The following GABRG3 variants were observed in gnomAD, a reference collection of about 807,000 sequenced individuals.
The protein encoded by GABRG3 is gamma-aminobutyric acid receptor subunit gamma-3.
Under a neutral mutation model 48.8 loss-of-function variants are expected in GABRG3, and 25 were observed. That is an observed-to-expected ratio of 0.51 (90% CI 0.37 to 0.72). The LOEUF (loss-of-function observed/expected upper bound fraction) is 0.72, where lower values mean the gene tolerates loss of function less well. GABRG3 is among the 30% of genes least tolerant of loss of function. The pLI, the probability that GABRG3 is intolerant of heterozygous loss-of-function variation, is 0.00. For missense variants in GABRG3, 394 were observed against 577.9 expected (o/e 0.68, Z 3.26); for synonymous variants, 227 against 217.6 (o/e 1.04, Z -0.38).
At chr15:27,217,999 T>G (rs1889319945) in intron 3 of GABRG3, among the ~76,000 whole-genome samples, 1 of 152,062 alleles carries the variant, frequency 6.6e-6, no homozygotes, top group South Asian at 2.1e-4. Flanking sequence ...TGACCTGAAT[T>G]TGGGAACCTC....
At chr15:27,337,072 A>T (rs976302537) in intron 5 of GABRG3, among the ~76,000 whole-genome samples, 4 of 152,234 alleles carry the variant, frequency 2.6e-5, no homozygotes, top group Non-Finnish European at 5.9e-5. Flanking sequence ...ACTAAATATT[A>T]TTAAAATGAC....
At chr15:27,498,453 C>G (rs1890538346) in intron 6 of GABRG3, among the ~76,000 whole-genome samples, 1 of 152,006 alleles carries the variant, frequency 6.6e-6, no homozygotes, top group Non-Finnish European at 1.5e-5. Context: ...TGTGTGACGT[C>G]CAACTCCAAT....
chr15:27,055,481 C>A (rs77961636), intron 3 of GABRG3, among the ~76,000 whole-genome samples: 4,175 of 152,240 alleles, frequency 0.027, 194 homozygotes, highest in African/African-American at 0.095. Flanking sequence ...AAATCCAAAG[C>A]TTTGTGAGCA....
chr15:27,453,658 A>G (rs1033374068), intron 5 of GABRG3, among the ~76,000 whole-genome samples: 1 of 152,096 alleles, frequency 6.6e-6, no homozygotes, highest in Non-Finnish European at 1.5e-5. Context: ...CTGGAGTGCA[A>G]TGGCGCAATC....
chr15:27,151,422 A>G (rs1652265081), intron 3 of GABRG3, among the ~76,000 whole-genome samples: 2 of 151,606 alleles, frequency 1.3e-5, no homozygotes, highest in South Asian at 2.1e-4. Context: ...ATATCAATAG[A>G]TGGTTACTTT....
intron 3 of GABRG3, among the ~76,000 whole-genome samples, chr15:27,138,476 C>T (rs1898047834): frequency 6.6e-6 from 1 of 152,194 alleles, no homozygotes. Context: ...GAATGCATCA[C>T]TAAATCTTCC....
intron 5 of GABRG3, among the ~76,000 whole-genome samples, chr15:27,358,100 G>A (rs890326725): frequency 3.3e-5 from 5 of 152,174 alleles, no homozygotes; most frequent in Non-Finnish European, 5.9e-5. Context: ...ACTCATGAAG[G>A]TGGATACGAG....
At chr15:27,341,910 AG>A (rs1894193889) in intron 5 of GABRG3, among the ~76,000 whole-genome samples, 1 of 152,230 alleles carries the variant, frequency 6.6e-6, no homozygotes, top group Admixed American at 6.5e-5. Context: ...GCCATATTAG[AG>A]CCAGAGAAAT....
chr15:27,446,976 C>T (rs1888963621), intron 5 of GABRG3, among the ~76,000 whole-genome samples: 1 of 152,194 alleles, frequency 6.6e-6, no homozygotes, highest in African/African-American at 2.4e-5. Flanking sequence ...TTAGCTTTCC[C>T]ACCCTCTCTG....
At chr15:27,052,962 T>G (rs1896480075) in intron 3 of GABRG3, among the ~76,000 whole-genome samples, 1 of 152,174 alleles carries the variant, frequency 6.6e-6, no homozygotes, top group African/African-American at 2.4e-5. Flanking sequence ...GCTAGCCACA[T>G]GCGGAAGAAT....
At chr15:27,492,360 A>G (rs1188002730) in intron 6 of GABRG3, among the ~76,000 whole-genome samples, 2 of 152,214 alleles carry the variant, frequency 1.3e-5, no homozygotes, top group Non-Finnish European at 2.9e-5. Context: ...TTTAAGTCTC[A>G]CTTCAAAAGA....
At chr15:27,523,247 A>G (rs764641956) in intron 7 of GABRG3, among the ~76,000 whole-genome samples, 2 of 151,866 alleles carry the variant, frequency 1.3e-5, no homozygotes, top group Non-Finnish European at 3.0e-5. Flanking sequence ...TAGATATTTC[A>G]TGTTATTAGA....
At chr15:27,278,771 T>A in intron 3 of GABRG3, among the ~76,000 whole-genome samples, 1 of 152,230 alleles carries the variant, frequency 6.6e-6, no homozygotes, top group East Asian at 1.9e-4. Flanking sequence ...TGTATGGGCA[T>A]AAGTTTTCAT....
At chr15:27,003,146 G>A (rs971721450) in intron 2 of GABRG3, among the ~76,000 whole-genome samples, 1 of 150,380 alleles carries the variant, frequency 6.6e-6, no homozygotes, top group African/African-American at 2.4e-5. Flanking sequence ...CAAGTATCAT[G>A]AAATAGTTTT....
Position 27,334,815 on chromosome 15 carries a change from C to T in GABRG3, c.574+5927C>T, listed in dbSNP as rs555478225. 4.6e-5 allele frequency among the ~76,000 whole-genome samples: 7 copies of T among 152,152 alleles called. No individual in the cohort carries two copies. In the South Asian group the frequency reaches 1.0e-3, roughly 23 times the overall value. On this transcript the variant is annotated intron_variant, in intron 5 of 9. Transcript: ENST00000615808. ...AAAAATACATAGGAAAAAATATTCA[C>T]GAACTAAGGCTAGCAAAGAGTATTT...
intron 3 of GABRG3, among the ~76,000 whole-genome samples, chr15:27,078,812 C>G (rs1224180748): frequency 6.6e-6 from 1 of 152,170 alleles, no homozygotes; most frequent in Non-Finnish European, 1.5e-5. Context: ...GATGCTGTCC[C>G]CCTGCAATGC....
chr15:27,527,665 T>C, intron 8 of GABRG3, 36 bp downstream of exon 8: 4 of 1,552,074 alleles, frequency 2.6e-6, no homozygotes, highest in Non-Finnish European at 3.5e-6. Context: ...CGGGAGGTAA[T>C]GGGGGCGCTG....
intron 6 of GABRG3, among the ~76,000 whole-genome samples, chr15:27,504,580 C>A (rs74005009): frequency 0.12 from 18,461 of 152,086 alleles, 2,152 homozygotes; most frequent in African/African-American, 0.31. Context: ...TACATAGTTA[C>A]TATTTTTGTT....
intron 3 of GABRG3, among the ~76,000 whole-genome samples, chr15:27,221,372 A>G (rs1889448197): frequency 6.6e-6 from 1 of 152,156 alleles, no homozygotes; most frequent in Admixed American, 6.5e-5. Flanking sequence ...GTACTTTCTA[A>G]CTTTAAATCA....
Sources: gnomAD v4.1 joint callset for allele counts (sites outside exome capture counted in the v4.1 genomes callset) on GRCh38, gnomAD v4.1.1 for gene constraint, MANE v1.5 for transcripts, NCBI Gene and HGNC (gene_info 2026-07-23, HGNC 2026-07-21) for gene names.